COL5A2: variants seen among roughly 807,000 people sequenced by gnomAD.
COL5A2 encodes the protein collagen alpha-2(V) chain.
In COL5A2, 23 loss-of-function variants were observed where a neutral mutation model predicts 208.2. The observed-to-expected ratio is 0.11, with a 90% CI of 0.08 to 0.16. The LOEUF (loss-of-function observed/expected upper bound fraction) is 0.16, where lower values mean the gene tolerates loss of function less well. Among genes scored for constraint, COL5A2 ranks in the 10% least tolerant of loss-of-function variants. The pLI, the probability that COL5A2 is intolerant of heterozygous loss-of-function variation, is 1.00. For synonymous variants in COL5A2, 625 were observed against 628.5 expected (o/e 0.99, Z 0.08); for missense variants, 1,590 against 1,956.4 (o/e 0.81, Z 3.53).
Position 189,161,201 on chromosome 2 carries a change from T to C in COL5A2, c.97+18307A>G, listed in dbSNP as rs150532369. 6.3e-3 allele frequency among the ~76,000 whole-genome samples: 950 copies of C among 151,708 alleles called. 15 individuals carry two copies. The highest frequency in any genetic ancestry group is 0.02 in the African/African-American group (841 of 41,288). Reference sequence around the variant, plus strand: ...CTAGTTACTATACATCTATCCTTTATGTTTTGGATACATCTGCAAGAAACC... The same window carrying C: ...CTAGTTACTATACATCTATCCTTTACGTTTTGGATACATCTGCAAGAAACC... On this transcript the variant is annotated intron_variant, in intron 1 of 53. Coordinates refer to ENST00000374866, the MANE Select transcript of COL5A2 (RefSeq NM_000393.5).
the COL5A2 span, among the ~76,000 whole-genome samples, chr2:189,406,612 C>T: frequency 6.6e-6 from 1 of 152,128 alleles, no homozygotes; most frequent in African/African-American, 2.4e-5. Context: ...TATAACTAAA[C>T]ATGATTGACA....
At chr2:189,275,376 TATC>T in the COL5A2 span, among the ~76,000 whole-genome samples, 101 of 152,028 alleles carry the variant, frequency 6.6e-4, no homozygotes, top group African/African-American at 2.3e-3. Context: ...TTTTTCAAAA[TATC>T]ATAATTTATA....
At chr2:189,069,504 GT>G (rs1414283121) in intron 18 of COL5A2, among the ~76,000 whole-genome samples, 2 of 152,122 alleles carry the variant, frequency 1.3e-5, no homozygotes, top group Non-Finnish European at 1.5e-5. Context: ...CCAACCCACT[GT>G]GCTTAAAGAG....
At chr2:189,163,281 C>A (rs781546495) in intron 1 of COL5A2, among the ~76,000 whole-genome samples, 2 of 152,060 alleles carry the variant, frequency 1.3e-5, no homozygotes, top group Non-Finnish European at 2.9e-5. Flanking sequence ...AAGATGAATC[C>A]GCCAGCATCA....
the COL5A2 span, among the ~76,000 whole-genome samples, chr2:189,323,931 G>T: frequency 6.6e-6 from 1 of 152,164 alleles, no homozygotes; most frequent in Non-Finnish European, 1.5e-5. Context: ...ATACTACAAG[G>T]CTACAGTAAC....
chr2:189,334,557 AT>A, the COL5A2 span, among the ~76,000 whole-genome samples: 1 of 152,046 alleles, frequency 6.6e-6, no homozygotes, highest in Non-Finnish European at 1.5e-5. Context: ...TATTAAAAAA[AT>A]AAAAATAATT....
At chr2:189,086,880 G>A (rs370031376) in intron 8 of COL5A2, 110 bp from the exon 9 acceptor site, 44 of 885,352 alleles carry the variant, frequency 5.0e-5, no homozygotes, top group Admixed American at 2.4e-4. Flanking sequence ...TTTTGACAAA[G>A]GGGGATGATG....
intron 6 of COL5A2, among the ~76,000 whole-genome samples, chr2:189,096,383 T>TA (rs1268130735): frequency 6.6e-6 from 1 of 151,870 alleles, no homozygotes; most frequent in Non-Finnish European, 1.5e-5. Flanking sequence ...AAGTGATACA[T>TA]AAGAAAAAAC....
chr2:189,307,849 G>A, the COL5A2 span, among the ~76,000 whole-genome samples: 1 of 152,162 alleles, frequency 6.6e-6, no homozygotes, highest in African/African-American at 2.4e-5. Flanking sequence ...AACCCTTGTA[G>A]CAGGGCACAT....
chr2:189,049,961 T>C (rs574118104), intron 43 of COL5A2, among the ~76,000 whole-genome samples: 3 of 152,362 alleles, frequency 2.0e-5, no homozygotes, highest in South Asian at 4.1e-4. Context: ...TCTCTCTGTC[T>C]ACATTCCATA....
intron 1 of COL5A2, among the ~76,000 whole-genome samples, chr2:189,211,574 C>T (rs1689213873): frequency 6.6e-6 from 1 of 151,970 alleles, no homozygotes; most frequent in South Asian, 2.1e-4. Context: ...GGCAAAACTA[C>T]AGACAGTCCA....
chr2:189,233,425 A>C, the COL5A2 span, among the ~76,000 whole-genome samples: 1 of 151,740 alleles, frequency 6.6e-6, no homozygotes. Flanking sequence ...ATAAATGTAA[A>C]TGCTGTAAAT....
chr2:189,236,237 T>A, the COL5A2 span, among the ~76,000 whole-genome samples: 1 of 151,884 alleles, frequency 6.6e-6, no homozygotes, highest in East Asian at 1.9e-4. Context: ...ACCATGAGCA[T>A]GACTCTAGTT....
chr2:189,182,376 CA>C (rs1186274328), upstream of COL5A2, among the ~76,000 whole-genome samples: 1 of 152,112 alleles, frequency 6.6e-6, no homozygotes, highest in African/African-American at 2.4e-5. Flanking sequence ...GATTACGGTT[CA>C]AAGATGTTTA....
the COL5A2 span, among the ~76,000 whole-genome samples, chr2:189,386,215 T>C: frequency 6.6e-6 from 1 of 151,916 alleles, no homozygotes; most frequent in Admixed American, 6.6e-5. Flanking sequence ...CAATAAGCAA[T>C]ATCAATAAGA....
chr2:189,126,405 TTC>T (rs1491536133), intron 1 of COL5A2, among the ~76,000 whole-genome samples: 3 of 152,092 alleles, frequency 2.0e-5, no homozygotes, highest in Non-Finnish European at 4.4e-5. Context: ...AAGAAATTAT[TTC>T]TTTTTCTTAA....
chr2:189,212,706 T>C (rs889540989), intron 1 of COL5A2, among the ~76,000 whole-genome samples: 3 of 149,458 alleles, frequency 2.0e-5, no homozygotes, highest in African/African-American at 7.4e-5. Flanking sequence ...ATGACACTGA[T>C]AGGAGCGAAA....
the COL5A2 span, among the ~76,000 whole-genome samples, chr2:189,388,669 G>C: frequency 8.5e-5 from 13 of 152,250 alleles, no homozygotes; most frequent in South Asian, 1.5e-3. Context: ...GGTTTAAGTG[G>C]GAGCAAAATA....
At chr2:189,261,138 T>A in the COL5A2 span, among the ~76,000 whole-genome samples, 38 of 152,246 alleles carry the variant, frequency 2.5e-4, no homozygotes, top group Middle Eastern at 0.01. Context: ...TTGATGTAAC[T>A]CACAATCAAT....
Sources: allele counts gnomAD v4.1 joint callset (sites outside exome capture counted in the v4.1 genomes callset), GRCh38; gene constraint gnomAD v4.1.1; transcripts MANE v1.5; gene names NCBI Gene and HGNC (gene_info 2026-07-23, HGNC 2026-07-21).